RAPGEF4: variants seen among roughly 807,000 people sequenced by gnomAD.
The protein encoded by RAPGEF4 is Rap guanine nucleotide exchange factor 4.
Under a neutral mutation model 147.9 loss-of-function variants are expected in RAPGEF4, and 66 were observed. The observed-to-expected ratio is 0.45, with a 90% CI of 0.37 to 0.55. RAPGEF4 has a LOEUF of 0.55. Among genes scored for constraint, RAPGEF4 ranks in the 20% least tolerant of loss-of-function variants. RAPGEF4 has a pLI of 0.00. For synonymous variants in RAPGEF4, 419 were observed against 442.7 expected (o/e 0.95, Z 0.67); for missense variants, 1,071 against 1,257.3 (o/e 0.85, Z 2.24).
At chr2:173,003,490 CTCTG>C (rs1297723520) in intron 17 of RAPGEF4, among the ~76,000 whole-genome samples, 3 of 152,146 alleles carry the variant, frequency 2.0e-5, no homozygotes, top group South Asian at 4.1e-4. Context: ...TTTGAATCAG[CTCTG>C]TCTGTGTCAG....
chr2:172,990,888 A>C lies in RAPGEF4; in HGVS notation c.1453A>C (p.Arg485=), dbSNP rs976763426. Residue 485 remains arginine (R), a synonymous_variant, in exon 15 of 31, where the codon AGA becomes CGA. Coordinates refer to ENST00000397081, the MANE Select transcript of RAPGEF4 (RefSeq NM_007023.4). ...GCTGGAGAAGGTCCCAGCAGGGAAC[A>C]GAGCTTCTAATCAAGGAAACTCACA... The part of the protein sequence containing the change: ...LVLEKVPAGN[R]ASNQGNSQPQ... 1 of 1,613,936 alleles carries C rather than the reference A, an allele frequency of 6.2e-7. No homozygotes were observed. The highest frequency in any genetic ancestry group is 8.5e-7 in the Non-Finnish European group (1 of 1,179,960).
At chr2:173,014,750 G>T in intron 18 of RAPGEF4, 136 bp downstream of exon 18, 1 of 865,774 alleles carries the variant, frequency 1.2e-6, no homozygotes, top group South Asian at 2.7e-5. Context: ...TCATCAGAAA[G>T]GAACTACAGA....
chr2:172,843,056 C>A lies in RAPGEF4; in HGVS notation c.444+28631C>A, dbSNP rs964302779. On this transcript the variant is annotated intron_variant, in intron 4 of 30. Coordinates refer to ENST00000397081, the MANE Select transcript of RAPGEF4 (RefSeq NM_007023.4). ...GATGCTTTCAAGTTTTTGATGTAAT[C>A]ACAGTGATGATGAACTAGAATGATC... Among the ~76,000 whole-genome samples the A allele has an allele frequency of 5.1e-4, 78 of 152,236 alleles. 1 individual carries two copies. Among genetic ancestry groups the A allele is most frequent in the African/African-American group, 1.8e-3 (76 of 41,534 alleles).
At position 173,005,449 on chromosome 2, in the gene RAPGEF4, A is replaced by G. The variant is rs1694333474; in HGVS notation, c.1658+4105A>G. The stretch of plus-strand genomic sequence containing the variant: ...TTCACATTATTTACTTTATCTTTCC[A>G]ACACCAGTTCTCCAAATGTAAAGCA... On this transcript the variant is annotated intron_variant, in intron 17 of 30. Coordinates refer to ENST00000397081, the MANE Select transcript of RAPGEF4 (RefSeq NM_007023.4). Among the ~76,000 whole-genome samples the G allele has an allele frequency of 2.6e-5, 4 of 151,630 alleles. No homozygotes were observed. The South Asian group carries it at 8.3e-4, about 31-fold the overall frequency.
At chr2:172,824,959 T>G (rs965985027) in intron 4 of RAPGEF4, among the ~76,000 whole-genome samples, 3 of 152,228 alleles carry the variant, frequency 2.0e-5, no homozygotes, top group African/African-American at 7.2e-5. Context: ...ATGTGAAAAC[T>G]TATGACTCTT....
rs747014896 is a variant in RAPGEF4, at chr2:172,988,682, A to G, written c.1228-11A>G. The G allele has an allele frequency of 1.2e-6, 2 of 1,609,394 alleles. No individual in the cohort carries two copies. Among genetic ancestry groups the G allele is most frequent in the Admixed American group, 3.3e-5 (2 of 59,968 alleles). On this transcript the variant is annotated splice_polypyrimidine_tract_variant and intron_variant, in intron 13 of 30. Coordinates refer to ENST00000397081, the MANE Select transcript of RAPGEF4 (RefSeq NM_007023.4). ...GGGATCTTCTTCATCTGTGTGCTCT[A>G]CTCTATCCAGGGTGTGGTCTGCACC...
At chr2:172,792,125 C>A (rs929886673) in intron 1 of RAPGEF4, among the ~76,000 whole-genome samples, 1 of 152,246 alleles carries the variant, frequency 6.6e-6, no homozygotes, top group Admixed American at 6.5e-5. Context: ...CAACCTGACT[C>A]CCTGCTGGCA....
intron 10 of RAPGEF4, among the ~76,000 whole-genome samples, chr2:172,972,465 G>C (rs1690598291): frequency 6.6e-6 from 1 of 152,194 alleles, no homozygotes; most frequent in African/African-American, 2.4e-5. Context: ...AGAAAAGCAC[G>C]ACCGAAAGAA....
chr2:172,823,086 G>A (rs1689258460), intron 4 of RAPGEF4, among the ~76,000 whole-genome samples: 1 of 152,170 alleles, frequency 6.6e-6, no homozygotes, highest in South Asian at 2.1e-4. Context: ...TAAAGGACAG[G>A]GGCAGAGCAA....
intron 29 of RAPGEF4, among the ~76,000 whole-genome samples, chr2:173,037,993 C>T (rs771155900): frequency 5.3e-5 from 8 of 152,240 alleles, no homozygotes; most frequent in East Asian, 1.9e-4. Flanking sequence ...GCATTCAGCC[C>T]GGGGAATGCG....
intron 10 of RAPGEF4, among the ~76,000 whole-genome samples, chr2:172,976,301 T>G (rs1439808416): frequency 6.6e-6 from 1 of 152,090 alleles, no homozygotes; most frequent in African/African-American, 2.4e-5. Flanking sequence ...CTCTGACACT[T>G]AAGAAGCAGG....
intron 4 of RAPGEF4, among the ~76,000 whole-genome samples, chr2:172,853,548 TAAAA>T (rs1359302564): frequency 6.6e-6 from 1 of 151,928 alleles, no homozygotes; most frequent in African/African-American, 2.4e-5. Flanking sequence ...ATTTCTGACT[TAAAA>T]AAATTCCTTC....
intron 4 of RAPGEF4, among the ~76,000 whole-genome samples, chr2:172,862,705 T>A (rs1195640492): frequency 6.6e-6 from 1 of 152,184 alleles, no homozygotes; most frequent in Non-Finnish European, 1.5e-5. Flanking sequence ...CCTCTTCAGA[T>A]TTGAGGGCTA....
At position 172,909,696 on chromosome 2, in the gene RAPGEF4, G is replaced by A. The variant is rs186877693; in HGVS notation, c.445-8106G>A. On this transcript the variant is annotated intron_variant, in intron 4 of 30. Coordinates refer to ENST00000397081, the MANE Select transcript of RAPGEF4 (RefSeq NM_007023.4). ...CTGACTTGTGCTGACTTATATGTGC[G>A]GGCCTTATTGAGCACAGGCTTGGCA... 1.1e-3 allele frequency among the ~76,000 whole-genome samples: 168 copies of A among 152,220 alleles called. 1 individual carries two copies. Among genetic ancestry groups the A allele is most frequent in the African/African-American group, 3.7e-3 (153 of 41,522 alleles).
intron 4 of RAPGEF4, among the ~76,000 whole-genome samples, chr2:172,881,849 CTT>C (rs1474325781): frequency 6.6e-6 from 1 of 152,130 alleles, no homozygotes; most frequent in Non-Finnish European, 1.5e-5. Context: ...TTAAATGACT[CTT>C]TTCATTTTAA....
At chr2:173,022,962 C>T (rs374777313) in intron 23 of RAPGEF4, among the ~76,000 whole-genome samples, 1 of 152,094 alleles carries the variant, frequency 6.6e-6, no homozygotes, top group Non-Finnish European at 1.5e-5. Context: ...TAGTACCTAC[C>T]ACATCATCGC....
intron 4 of RAPGEF4, among the ~76,000 whole-genome samples, chr2:172,819,423 A>G (rs549198262): frequency 6.6e-6 from 1 of 151,844 alleles, no homozygotes; most frequent in African/African-American, 2.4e-5. Context: ...CATACAGAAG[A>G]AAATGAATTT....
intron 4 of RAPGEF4, among the ~76,000 whole-genome samples, chr2:172,899,897 C>G (rs1442663295): frequency 6.6e-6 from 1 of 152,146 alleles, no homozygotes. Context: ...AACAGACATG[C>G]TTATCAAGGA....
chr2:173,000,098 T>G (rs979660669), intron 16 of RAPGEF4, among the ~76,000 whole-genome samples: 1 of 152,178 alleles, frequency 6.6e-6, no homozygotes, highest in Non-Finnish European at 1.5e-5. Flanking sequence ...CCAAAATCCT[T>G]TGGTACATTA....
Sources: allele counts gnomAD v4.1 joint callset (sites outside exome capture counted in the v4.1 genomes callset), GRCh38; gene constraint gnomAD v4.1.1; transcripts MANE v1.5; gene names NCBI Gene and HGNC (gene_info 2026-07-23, HGNC 2026-07-21).